The following CBLB variants were observed in gnomAD, a reference collection of about 807,000 sequenced individuals.
CBLB encodes the protein Cbl proto-oncogene B.
Under a neutral mutation model 104.9 loss-of-function variants are expected in CBLB, and 31 were observed. The ratio of observed to expected loss-of-function variants is 0.30; its 90% confidence interval spans 0.22 to 0.40. CBLB has a LOEUF of 0.40. CBLB is among the 10% of genes least tolerant of loss of function. The pLI is 1.00. For synonymous variants in CBLB, 440 were observed against 422.6 expected (o/e 1.04, Z -0.51); for missense variants, 1,062 against 1,214.6 (o/e 0.87, Z 1.87).
chr3:105,703,011 A>G (rs1381705134), intron 11 of CBLB, among the ~76,000 whole-genome samples: 3 of 152,222 alleles, frequency 2.0e-5, no homozygotes, highest in Non-Finnish European at 4.4e-5. Flanking sequence ...GATCACAAGT[A>G]ACAGAGCAGC....
At chr3:105,857,159 AT>A (rs1478426209) in intron 2 of CBLB, among the ~76,000 whole-genome samples, 4 of 152,092 alleles carry the variant, frequency 2.6e-5, no homozygotes, top group East Asian at 1.9e-4. Flanking sequence ...TCTGTCAGGT[AT>A]TTTTTTTCCA....
chr3:105,662,994 T>C (rs2063941357), intron 18 of CBLB, among the ~76,000 whole-genome samples: 1 of 152,200 alleles, frequency 6.6e-6, no homozygotes, highest in Non-Finnish European at 1.5e-5. Flanking sequence ...TTACTGCTGT[T>C]ACTACTTGAG....
At chr3:105,704,421 AAAAGTATAGT>A (rs2069752028) in intron 10 of CBLB, among the ~76,000 whole-genome samples, 2 of 152,246 alleles carry the variant, frequency 1.3e-5, no homozygotes, top group Non-Finnish European at 2.9e-5. Context: ...AAAGAACAGC[AAAAGTATAGT>A]ATAAAGACAA....
chr3:105,670,977 T>C (rs2065004613), intron 17 of CBLB: 1 of 172,672 alleles, frequency 5.8e-6, no homozygotes, highest in African/African-American at 2.4e-5. Context: ...ATTATGCCAT[T>C]TAGTAATTAA....
chr3:105,709,065 C>T lies in CBLB; in HGVS notation c.1408-4892G>A, dbSNP rs368483477. On this transcript the variant is annotated intron_variant, in intron 10 of 18. Transcript: ENST00000394030. The stretch of plus-strand genomic sequence containing the variant: ...TTCCTCCCACTATCAGCTCTTAATG[C>T]AATAGTAACAAAATCAAATATCTAA... 2.0e-5 allele frequency among the ~76,000 whole-genome samples: 3 copies of T among 151,730 alleles called. No homozygotes were observed. The South Asian group carries it at 6.2e-4, about 32-fold the overall frequency.
chr3:105,851,726 C>T (rs1454264607), intron 3 of CBLB, among the ~76,000 whole-genome samples: 1 of 152,132 alleles, frequency 6.6e-6, no homozygotes, highest in African/African-American at 2.4e-5. Flanking sequence ...CATGAACTAG[C>T]TACTATCATA....
chr3:105,734,033 G>A lies in CBLB; in HGVS notation c.1179C>T (p.Cys393=), dbSNP rs2074634379. ...CCTGCCATGCCGTAAGGCAAGAGGT[G>A]CACATCAAATGCCCACAAGGCTCAA... ...VKIEPCGHLM[C]TSCLTAWQES... The change falls in exon 9 of 19, where the codon TGC becomes TGT. Residue 393 remains cysteine, a synonymous_variant. Coordinates refer to ENST00000394030, the MANE Select transcript of CBLB (RefSeq NM_170662.5). 6.2e-7 allele frequency: 1 copy of A among 1,613,952 alleles called. No homozygotes were observed. The highest frequency in any genetic ancestry group is 2.2e-5 in the East Asian group (1 of 44,862).
intron 3 of CBLB, among the ~76,000 whole-genome samples, chr3:105,801,317 C>G (rs957507608): frequency 2.0e-5 from 3 of 152,040 alleles, no homozygotes; most frequent in African/African-American, 7.2e-5. Context: ...GTAAAATACC[C>G]TACTTATAAA....
chr3:105,665,819 A>C (rs1489363037), intron 18 of CBLB, among the ~76,000 whole-genome samples: 1 of 151,530 alleles, frequency 6.6e-6, no homozygotes, highest in African/African-American at 2.4e-5. Flanking sequence ...TCACAAGGTC[A>C]AGAGTTTGAG....
intron 3 of CBLB, among the ~76,000 whole-genome samples, chr3:105,851,411 A>G (rs2153116110): frequency 6.6e-6 from 1 of 152,282 alleles, no homozygotes; most frequent in Non-Finnish European, 1.5e-5. Context: ...ATCACGGGGC[A>G]TTTTTAGGGC....
chr3:105,848,414 C>G (rs961546655), intron 3 of CBLB, among the ~76,000 whole-genome samples: 3 of 152,038 alleles, frequency 2.0e-5, no homozygotes, highest in Non-Finnish European at 4.4e-5. Context: ...ACCTAAGTAA[C>G]TAGGAAATGT....
chr3:105,707,612 A>T (rs2070366867), intron 10 of CBLB, among the ~76,000 whole-genome samples: 1 of 152,152 alleles, frequency 6.6e-6, no homozygotes, highest in African/African-American at 2.4e-5. Flanking sequence ...AAACACTATG[A>T]AGATTTGTAA....
chr3:105,758,457 T>C (rs1421927293), intron 4 of CBLB, among the ~76,000 whole-genome samples: 4 of 152,230 alleles, frequency 2.6e-5, no homozygotes, highest in African/African-American at 9.6e-5. Flanking sequence ...ATTGTTTGTG[T>C]GTCACTTTTC....
At chr3:105,777,598 G>C (rs1466216623) in intron 3 of CBLB, among the ~76,000 whole-genome samples, 1 of 152,214 alleles carries the variant, frequency 6.6e-6, no homozygotes, top group Non-Finnish European at 1.5e-5. Context: ...TTCAGCATGG[G>C]TAACAGGGTG....
chr3:105,679,007 A>C (rs2065981256), intron 16 of CBLB, among the ~76,000 whole-genome samples: 1 of 152,188 alleles, frequency 6.6e-6, no homozygotes, highest in Non-Finnish European at 1.5e-5. Flanking sequence ...AAATACATAT[A>C]ATTTAATGTC....
At chr3:105,687,451 A>G (rs992942805) in intron 13 of CBLB, among the ~76,000 whole-genome samples, 1 of 152,114 alleles carries the variant, frequency 6.6e-6, no homozygotes, top group African/African-American at 2.4e-5. Context: ...AGATTATTTC[A>G]GAATGAAGTG....
chr3:105,813,118 A>C (rs1429080283), intron 3 of CBLB, among the ~76,000 whole-genome samples: 1 of 152,192 alleles, frequency 6.6e-6, no homozygotes, highest in Non-Finnish European at 1.5e-5. Context: ...GTAACTTAGC[A>C]AACAAAAGAA....
intron 2 of CBLB, among the ~76,000 whole-genome samples, chr3:105,859,931 G>C (rs1205734934): frequency 6.6e-6 from 1 of 152,134 alleles, no homozygotes; most frequent in Non-Finnish European, 1.5e-5. Context: ...GCAAAACAAA[G>C]TTGGCATATA....
At chr3:105,698,113 T>C (rs1027940538) in intron 12 of CBLB, among the ~76,000 whole-genome samples, 1 of 152,056 alleles carries the variant, frequency 6.6e-6, no homozygotes, top group Non-Finnish European at 1.5e-5. Flanking sequence ...TCTTAGCTTG[T>C]AGATCCACAT....
Sources: allele counts gnomAD v4.1 joint callset (sites outside exome capture counted in the v4.1 genomes callset), GRCh38; gene constraint gnomAD v4.1.1; transcripts MANE v1.5; gene names NCBI Gene and HGNC (gene_info 2026-07-23, HGNC 2026-07-21).